The following FAM210A variants were observed in gnomAD, a reference collection of about 807,000 sequenced individuals.
The protein encoded by FAM210A is mitochondrial inner membrane scaffold 1, also known as family with sequence similarity 210 member A.
FAM210A carries 13 observed loss-of-function variants against 25.3 expected under a neutral mutation model. The ratio of observed to expected loss-of-function variants is 0.51; its 90% CI spans 0.33 to 0.82. The LOEUF (loss-of-function observed/expected upper bound fraction) is 0.82. FAM210A is among the 40% of genes least tolerant of loss of function. The pLI is 0.02. For missense variants in FAM210A, 319 were observed against 323.2 expected (o/e 0.99, Z 0.10); for synonymous variants, 125 against 118.7 (o/e 1.05, Z -0.35).
chr18:13,697,843 T>A (rs920494584), intron 1 of FAM210A, among the ~76,000 whole-genome samples: 2 of 152,142 alleles, frequency 1.3e-5, no homozygotes, highest in African/African-American at 4.8e-5. Context: ...AGTGAATGGA[T>A]AAACAAATTG....
chr18:13,721,182 T>C (rs764333743), intron 1 of FAM210A, among the ~76,000 whole-genome samples: 2 of 152,186 alleles, frequency 1.3e-5, no homozygotes, highest in Non-Finnish European at 2.9e-5. Flanking sequence ...GTTGGAAAGT[T>C]GACATTCCCG....
intron 1 of FAM210A, among the ~76,000 whole-genome samples, chr18:13,726,113 G>A (rs1238448590): frequency 1.3e-5 from 2 of 152,248 alleles, no homozygotes; most frequent in Non-Finnish European, 2.9e-5. Flanking sequence ...GCTCGACCCG[G>A]AAGGGCGGGG....
At chr18:13,691,806 T>C (rs368115932) in intron 1 of FAM210A, among the ~76,000 whole-genome samples, 56 of 92,670 alleles carry the variant, frequency 6.0e-4, no homozygotes, top group African/African-American at 2.3e-3. Flanking sequence ...ACATGCCAAA[T>C]TATAAAGACC....
intron 1 of FAM210A, among the ~76,000 whole-genome samples, chr18:13,683,590 T>C (rs574804365): frequency 5.7e-4 from 84 of 148,592 alleles, no homozygotes; most frequent in Non-Finnish European, 9.8e-4. Flanking sequence ...TTAAGAATTA[T>C]AGAGACTTCC....
intron 1 of FAM210A, among the ~76,000 whole-genome samples, chr18:13,698,939 C>T (rs147692819): frequency 6.6e-6 from 1 of 152,256 alleles, no homozygotes; most frequent in Non-Finnish European, 1.5e-5. Flanking sequence ...TGCTGTAGAG[C>T]CGCCCTCTTT....
intron 1 of FAM210A, among the ~76,000 whole-genome samples, chr18:13,699,381 G>A (rs918831392): frequency 6.6e-6 from 1 of 151,980 alleles, no homozygotes; most frequent in Non-Finnish European, 1.5e-5. Flanking sequence ...TTTCAGAAAA[G>A]ATTAAATTAT....
chr18:13,720,089 T>C (rs1280699542), intron 1 of FAM210A, among the ~76,000 whole-genome samples: 1 of 152,184 alleles, frequency 6.6e-6, no homozygotes, highest in African/African-American at 2.4e-5. Context: ...CGGTTAAGCG[T>C]AGAGTTTCTA....
At chr18:13,718,338 T>A (rs1286255746) in intron 1 of FAM210A, among the ~76,000 whole-genome samples, 2 of 152,144 alleles carry the variant, frequency 1.3e-5, no homozygotes, top group Non-Finnish European at 2.9e-5. Context: ...ACACAGAACC[T>A]GAGTACAACT....
chr18:13,716,610 C>T (rs896927140), intron 1 of FAM210A, among the ~76,000 whole-genome samples: 2 of 152,108 alleles, frequency 1.3e-5, no homozygotes, highest in Non-Finnish European at 2.9e-5. Context: ...AAATTGTAAT[C>T]CCCACGTGTT....
chr18:13,718,171 C>T (rs552086734), intron 1 of FAM210A, among the ~76,000 whole-genome samples: 1 of 152,276 alleles, frequency 6.6e-6, no homozygotes, highest in South Asian at 2.1e-4. Flanking sequence ...AGACAATAAA[C>T]CTGTGTTGTT....
intron 1 of FAM210A, among the ~76,000 whole-genome samples, chr18:13,721,696 C>T (rs932625978): frequency 3.3e-5 from 5 of 152,086 alleles, no homozygotes; most frequent in African/African-American, 1.2e-4. Context: ...GGCAAAGTAA[C>T]CATAGGATGA....
chr18:13,700,744 CT>C (rs1261327581), intron 1 of FAM210A, among the ~76,000 whole-genome samples: 3 of 152,200 alleles, frequency 2.0e-5, no homozygotes, highest in African/African-American at 7.2e-5. Context: ...TCCTTGTGAA[CT>C]GTAACCTAGC....
At chr18:13,712,492 C>T (rs1290862932) in intron 1 of FAM210A, among the ~76,000 whole-genome samples, 1 of 152,180 alleles carries the variant, frequency 6.6e-6, no homozygotes, top group Non-Finnish European at 1.5e-5. Context: ...GAAGTCCTAA[C>T]CTCCAAATTA....
intron 1 of FAM210A, among the ~76,000 whole-genome samples, chr18:13,682,366 G>C (rs1160790439): frequency 1.3e-5 from 2 of 152,068 alleles, no homozygotes; most frequent in Admixed American, 6.5e-5. Flanking sequence ...CAGGAGTTCC[G>C]AGACCAGCCT....
At chr18:13,706,165 G>A (rs2043776431) in intron 1 of FAM210A, among the ~76,000 whole-genome samples, 1 of 152,042 alleles carries the variant, frequency 6.6e-6, no homozygotes, top group Admixed American at 6.5e-5. Context: ...CCACAATCTT[G>A]GAACTGTACA....
intron 1 of FAM210A, among the ~76,000 whole-genome samples, chr18:13,724,986 C>T (rs1022183602): frequency 6.6e-6 from 1 of 152,148 alleles, no homozygotes; most frequent in African/African-American, 2.4e-5. Flanking sequence ...GTTGGCCAGG[C>T]TGGTCTCAAA....
intron 2 of FAM210A, among the ~76,000 whole-genome samples, chr18:13,678,144 C>T (rs566560620): frequency 3.0e-4 from 46 of 152,152 alleles, no homozygotes; most frequent in Non-Finnish European, 2.1e-4. Flanking sequence ...TTAGGCCAGG[C>T]GTGGTGTCAA....
intron 1 of FAM210A, among the ~76,000 whole-genome samples, chr18:13,685,339 C>T (rs1260875468): frequency 3.3e-5 from 5 of 150,654 alleles, no homozygotes; most frequent in Non-Finnish European, 5.9e-5. Context: ...TGTAAAGACT[C>T]TATTAACATA....
Position 13,664,595 on chromosome 18 carries a change from C to A in FAM210A, c.*1885G>T, listed in dbSNP as rs1252614737. The A allele has an allele frequency of 6.6e-6, 1 of 152,300 alleles. No homozygotes were observed. Among genetic ancestry groups the A allele is most frequent in the East Asian group, 1.9e-4 (1 of 5,182 alleles). 9.4% of individuals were successfully genotyped at this position (152,300 alleles called of 1,614,324 possible). A position where few individuals can be genotyped will look rare whatever the true frequency, so the allele number is the denominator to read the frequency against. On this transcript the variant is annotated 3_prime_UTR_variant, in exon 4 of 4. Coordinates refer to ENST00000651643, the MANE Select transcript of FAM210A (RefSeq NM_152352.4). ...AAGCAGTGCATTCAACCCTCTGTAT[C>A]AGGAGACAGCGGTGCTGCCTGCCCA...
Sources: gnomAD v4.1 joint callset for allele counts (sites outside exome capture counted in the v4.1 genomes callset) on GRCh38, gnomAD v4.1.1 for gene constraint, MANE v1.5 for transcripts, NCBI Gene and HGNC (gene_info 2026-07-23, HGNC 2026-07-21) for gene names.